The following SETBP1 variants were observed in gnomAD, a reference collection of about 807,000 sequenced individuals.
The protein encoded by SETBP1 is SET binding protein 1.
SETBP1 carries 9 observed loss-of-function variants against 101.0 expected under a neutral mutation model. The observed-to-expected ratio is 0.09, with a 90% CI of 0.05 to 0.16. SETBP1 has a LOEUF of 0.16. SETBP1 is among the 10% of genes least tolerant of loss of function. The pLI, the probability that SETBP1 is intolerant of heterozygous loss-of-function variation, is 1.00. For synonymous variants in SETBP1, 818 were observed against 788.5 expected, an observed-to-expected ratio of 1.04 and a Z score of -0.63; for missense variants, 1,858 against 2,033.8, an observed-to-expected ratio of 0.91 and a Z score of 1.66.
chr18:44,876,797 G>A, intron 3 of SETBP1: 1 of 1,447,194 alleles, frequency 6.9e-7, no homozygotes, highest in South Asian at 1.5e-5. Flanking sequence ...GTCATTCCCT[G>A]TTCTTTCCAT....
At chr18:44,766,109 T>C (rs2070759357) in intron 2 of SETBP1, among the ~76,000 whole-genome samples, 1 of 152,238 alleles carries the variant, frequency 6.6e-6, no homozygotes, top group African/African-American at 2.4e-5. Flanking sequence ...TGTGTGTGTG[T>C]GGAATTGCTT....
At chr18:44,790,485 C>T (rs1366767864) in intron 2 of SETBP1, among the ~76,000 whole-genome samples, 1 of 152,228 alleles carries the variant, frequency 6.6e-6, no homozygotes, top group East Asian at 1.9e-4. Flanking sequence ...CAAGTGCCGT[C>T]ACACTGAGGT....
chr18:44,715,509 C>G (rs2069443112), intron 2 of SETBP1, among the ~76,000 whole-genome samples: 1 of 152,038 alleles, frequency 6.6e-6, no homozygotes, highest in Admixed American at 6.5e-5. Context: ...CTGAGGGGAA[C>G]AGTTTCCCCA....
In SETBP1 at chr18:44,950,152, G is replaced by C. The variant is rs749422908; in HGVS notation, c.812G>C (p.Gly271Ala). The change falls in exon 4 of 6, where the codon GGG (glycine) becomes GCG (alanine). Residue 271 changes from glycine (G) to alanine (A), a missense_variant. Gly to Ala is a moderately conservative substitution (Grantham distance 60). Transcript: ENST00000649279. ...GCCCAGGGTAAGAAAGGCAGTGCAGGGAACACGTGGAGTCAGTTGTCTAAC... is the reference window on the plus strand; with the variant it reads ...GCCCAGGGTAAGAAAGGCAGTGCAGCGAACACGTGGAGTCAGTTGTCTAAC... Reference protein sequence around the residue: ...AKAQGKKGSAGNTWSQLSNNN... With the variant: ...AKAQGKKGSAANTWSQLSNNN... 2.5e-6 allele frequency: 4 copies of C among 1,613,808 alleles called. No homozygotes were observed. The Admixed American group carries it at 6.7e-5, about 27-fold the overall frequency.
At chr18:44,725,728 C>T (rs2069691392) in intron 2 of SETBP1, among the ~76,000 whole-genome samples, 1 of 152,062 alleles carries the variant, frequency 6.6e-6, no homozygotes. Flanking sequence ...CCCCTCGGCC[C>T]CCTGACTTCC....
intron 2 of SETBP1, among the ~76,000 whole-genome samples, chr18:44,849,964 A>G (rs2072814089): frequency 6.6e-6 from 1 of 152,200 alleles, no homozygotes; most frequent in South Asian, 2.1e-4. Context: ...CCAACATGAC[A>G]TAGAACTCAG....
intron 4 of SETBP1, among the ~76,000 whole-genome samples, chr18:45,034,845 A>G (rs1334790275): frequency 6.6e-6 from 1 of 152,122 alleles, no homozygotes; most frequent in Non-Finnish European, 1.5e-5. Flanking sequence ...GTGGCATTAC[A>G]GATTGTCTCT....
intron 5 of SETBP1, among the ~76,000 whole-genome samples, chr18:45,049,016 A>G (rs2073674563): frequency 6.7e-6 from 1 of 149,104 alleles, no homozygotes; most frequent in African/African-American, 2.5e-5. Flanking sequence ...ATAGAAGATT[A>G]GCCCCTGCCC....
intron 2 of SETBP1, among the ~76,000 whole-genome samples, chr18:44,720,678 G>A (rs747492581): frequency 1.3e-5 from 2 of 152,192 alleles, no homozygotes; most frequent in Non-Finnish European, 2.9e-5. Context: ...GGAGGAAGAA[G>A]CTTGAGTGGG....
intron 4 of SETBP1, among the ~76,000 whole-genome samples, chr18:45,028,064 G>A (rs1464859697): frequency 6.6e-6 from 1 of 151,918 alleles, no homozygotes; most frequent in Non-Finnish European, 1.5e-5. Context: ...ACAACGTGCA[G>A]GTTAGTTACG....
chr18:44,821,186 G>C (rs182751197), intron 2 of SETBP1, among the ~76,000 whole-genome samples: 1 of 152,184 alleles, frequency 6.6e-6, no homozygotes, highest in African/African-American at 2.4e-5. Context: ...GTTTTCATAC[G>C]TGAAATCAGG....
intron 2 of SETBP1, among the ~76,000 whole-genome samples, chr18:44,827,005 G>GAGCT (rs1191716252): frequency 1.3e-5 from 2 of 152,186 alleles, no homozygotes; most frequent in African/African-American, 4.8e-5. Context: ...TGCCATGGGA[G>GAGCT]AGCTTCTCTC....
At chr18:44,727,219 T>TGTG (rs1555673193) in intron 2 of SETBP1, among the ~76,000 whole-genome samples, 1 of 151,302 alleles carries the variant, frequency 6.6e-6, no homozygotes, top group Non-Finnish European at 1.5e-5. Flanking sequence ...TGTGTGTGTG[T>TGTG]TGATACCCAA....
intron 5 of SETBP1, among the ~76,000 whole-genome samples, chr18:45,056,475 G>A (rs1278071713): frequency 1.3e-5 from 2 of 152,212 alleles, no homozygotes; most frequent in East Asian, 1.9e-4. Flanking sequence ...CATTTATTAA[G>A]CATTAGAATT....
chr18:44,967,224 TCACCCAA>T (rs1261546836), intron 4 of SETBP1, among the ~76,000 whole-genome samples: 4 of 152,294 alleles, frequency 2.6e-5, no homozygotes, highest in South Asian at 2.1e-4. Context: ...AATACACATT[TCACCCAA>T]AGATAACGGA....
chr18:44,976,216 G>T (rs1026699425), intron 4 of SETBP1, among the ~76,000 whole-genome samples: 3 of 152,108 alleles, frequency 2.0e-5, no homozygotes, highest in East Asian at 3.9e-4. Context: ...GAAGCAGGCG[G>T]CAGGTGCTGA....
At chr18:44,977,842 T>C (rs749849401) in intron 4 of SETBP1, among the ~76,000 whole-genome samples, 2 of 152,128 alleles carry the variant, frequency 1.3e-5, no homozygotes, top group Non-Finnish European at 2.9e-5. Flanking sequence ...CCCCCTTATA[T>C]CTATTCAGGA....
chr18:44,886,500 T>C (rs1195023525), intron 3 of SETBP1, among the ~76,000 whole-genome samples: 1 of 152,138 alleles, frequency 6.6e-6, no homozygotes, highest in Non-Finnish European at 1.5e-5. Context: ...AGATATATTT[T>C]TCCTAGTTGG....
At chr18:44,933,057 T>C (rs1369339372) in intron 3 of SETBP1, among the ~76,000 whole-genome samples, 1 of 152,224 alleles carries the variant, frequency 6.6e-6, no homozygotes, top group Non-Finnish European at 1.5e-5. Flanking sequence ...AGCTTTTCAG[T>C]TGTGGTTTCT....
Sources: allele counts gnomAD v4.1 joint callset (sites outside exome capture counted in the v4.1 genomes callset), GRCh38; gene constraint gnomAD v4.1.1; transcripts MANE v1.5; gene names NCBI Gene and HGNC (gene_info 2026-07-23, HGNC 2026-07-21).